SYNPR: variants seen among roughly 807,000 people sequenced by gnomAD.
SYNPR encodes synaptoporin.
A neutral mutation model predicts 32.9 loss-of-function variants in SYNPR; 23 were observed. The ratio of observed to expected loss-of-function variants is 0.70; its 90% confidence interval spans 0.50 to 0.99. The LOEUF (loss-of-function observed/expected upper bound fraction) is 0.99. Ranked by LOEUF, SYNPR falls within the 50% of genes least tolerant of loss-of-function variation. The pLI is 0.00. For synonymous variants in SYNPR, 146 were observed against 135.9 expected (o/e 1.07, Z -0.52); for missense variants, 318 against 349.3 (o/e 0.91, Z 0.71).
chr3:63,237,281 A>G (rs2086207023), intron 1 of SYNPR, among the ~76,000 whole-genome samples: 1 of 150,704 alleles, frequency 6.6e-6, no homozygotes, highest in Non-Finnish European at 1.5e-5. Flanking sequence ...GTGAAATTCT[A>G]TTTCTGTGTC....
chr3:63,397,709 C>T (rs1233728851), intron 2 of SYNPR, among the ~76,000 whole-genome samples: 1 of 152,132 alleles, frequency 6.6e-6, no homozygotes, highest in African/African-American at 2.4e-5. Flanking sequence ...AACCTATACC[C>T]TGCCACTGAC....
At position 63,456,554 on chromosome 3, in the gene SYNPR, CA is replaced by C. The variant is rs1018774097; in HGVS notation, c.85-24277del. ...GAATTCTCACAACAGCCCCGTGAGA[CA>C]GGGGATCACCCTCTCATTTTACAAA... is the stretch of plus-strand genomic sequence containing the variant. On this transcript the variant is annotated intron_variant, in intron 2 of 5. Coordinates refer to ENST00000478300, the MANE Select transcript of SYNPR (RefSeq NM_001130003.2). Among the ~76,000 whole-genome samples, 62 of 152,224 alleles carry C rather than the reference CA, an allele frequency of 4.1e-4. 1 individual carries two copies. The highest frequency in any genetic ancestry group is 1.5e-3 in the South Asian group (7 of 4,822).
intron 3 of SYNPR, among the ~76,000 whole-genome samples, chr3:63,552,869 T>G (rs1702527154): frequency 6.6e-6 from 1 of 152,216 alleles, no homozygotes; most frequent in South Asian, 2.1e-4. Flanking sequence ...CCTTAGTTTC[T>G]GGCCCATAAG....
intron 2 of SYNPR, among the ~76,000 whole-genome samples, chr3:63,415,139 C>T (rs932557945): frequency 6.6e-6 from 1 of 152,158 alleles, no homozygotes; most frequent in Non-Finnish European, 1.5e-5. Flanking sequence ...CTACTTTTTA[C>T]TGTTATCTAT....
intron 4 of SYNPR, among the ~76,000 whole-genome samples, chr3:63,573,202 G>T (rs368013685): frequency 1.3e-5 from 2 of 152,250 alleles, no homozygotes; most frequent in Admixed American, 6.5e-5. Context: ...AGAATTACCA[G>T]AAGATTTAGT....
chr3:63,298,982 A>T (rs1316548956), intron 2 of SYNPR, among the ~76,000 whole-genome samples: 2 of 152,166 alleles, frequency 1.3e-5, no homozygotes, highest in African/African-American at 4.8e-5. Context: ...GTAGAGAATA[A>T]ATCTTTGGGA....
chr3:63,494,660 G>A (rs546706766), intron 3 of SYNPR, among the ~76,000 whole-genome samples: 11 of 151,628 alleles, frequency 7.3e-5, no homozygotes, highest in South Asian at 2.1e-4. Flanking sequence ...ACCCATCAGC[G>A]CTAACAACAC....
At chr3:63,579,870 C>G (rs981672126) in intron 4 of SYNPR, among the ~76,000 whole-genome samples, 4 of 151,526 alleles carry the variant, frequency 2.6e-5, no homozygotes, top group African/African-American at 7.3e-5. Context: ...TAAGAAAGAA[C>G]ACTCTAGTGT....
At chr3:63,530,008 G>A (rs1311235416) in intron 3 of SYNPR, among the ~76,000 whole-genome samples, 1 of 152,074 alleles carries the variant, frequency 6.6e-6, no homozygotes, top group East Asian at 1.9e-4. Flanking sequence ...AGCGGGAAGG[G>A]ACACTTCAGC....
chr3:63,446,472 A>G (rs1700278919), intron 2 of SYNPR, among the ~76,000 whole-genome samples: 2 of 152,210 alleles, frequency 1.3e-5, no homozygotes, highest in African/African-American at 2.4e-5. Flanking sequence ...GCACCTGAGC[A>G]GTGGGCTCCC....
At chr3:63,571,148 A>C (rs1226644326) in intron 4 of SYNPR, among the ~76,000 whole-genome samples, 3 of 152,182 alleles carry the variant, frequency 2.0e-5, no homozygotes, top group African/African-American at 7.2e-5. Flanking sequence ...AAAATGGTGG[A>C]GTCTAATTCT....
intron 2 of SYNPR, among the ~76,000 whole-genome samples, chr3:63,398,137 TTTGA>T (rs1575624136): frequency 6.6e-6 from 1 of 152,270 alleles, no homozygotes; most frequent in East Asian, 1.9e-4. Context: ...TCACCCCAAG[TTTGA>T]TTGTCCTTCT....
chr3:63,423,418 G>A (rs1420830592), intron 2 of SYNPR, among the ~76,000 whole-genome samples: 1 of 152,166 alleles, frequency 6.6e-6, no homozygotes, highest in Non-Finnish European at 1.5e-5. Flanking sequence ...ACAGGAGAAG[G>A]ACTCAAATCA....
intron 1 of SYNPR, among the ~76,000 whole-genome samples, chr3:63,245,334 T>G (rs1269911751): frequency 9.3e-6 from 1 of 107,508 alleles, no homozygotes; most frequent in Non-Finnish European, 2.2e-5. Flanking sequence ...TTATTTTTAT[T>G]TAAAATCTGT....
At chr3:63,520,901 G>A (rs907732127) in intron 3 of SYNPR, among the ~76,000 whole-genome samples, 1 of 146,406 alleles carries the variant, frequency 6.8e-6, no homozygotes, top group Non-Finnish European at 1.5e-5. Flanking sequence ...CTTGACTAGA[G>A]ATGTCCATTG....
At position 63,480,905 on chromosome 3, in the gene SYNPR, A is replaced by C; in HGVS notation, c.158A>C (p.Asn53Thr). Residue 53 changes from asparagine (N) to threonine (T), a missense_variant, in exon 3 of 6, where the codon AAC becomes ACC. By Grantham distance (65) the Asn-to-Thr change is moderately conservative (BLOSUM62 0). Transcript: ENST00000478300. ...CTGCGGCTGAGTGTGGACTGCGTCA[A>C]CAAGACAGAAAGTAACCTCAGCATC... Reference protein sequence around the residue: ...GGLRLSVDCVNKTESNLSIDI... With the variant: ...GGLRLSVDCVTKTESNLSIDI... 6.2e-7 allele frequency: 1 copy of C among 1,613,632 alleles called. No individual in the cohort carries two copies. Among genetic ancestry groups the C allele is most frequent in the South Asian group, 1.1e-5 (1 of 91,030 alleles).
chr3:63,549,123 G>A (rs1254200576), intron 3 of SYNPR, among the ~76,000 whole-genome samples: 1 of 152,106 alleles, frequency 6.6e-6, no homozygotes, highest in Non-Finnish European at 1.5e-5. Context: ...GAATAACCCA[G>A]GACAAGATTT....
At chr3:63,576,464 T>C (rs1702980786) in intron 4 of SYNPR, among the ~76,000 whole-genome samples, 1 of 152,076 alleles carries the variant, frequency 6.6e-6, no homozygotes, top group Admixed American at 6.6e-5. Context: ...TAACAGTATG[T>C]CAAGCCAGTC....
At chr3:63,437,164 C>T (rs920929211) in intron 2 of SYNPR, among the ~76,000 whole-genome samples, 1 of 152,088 alleles carries the variant, frequency 6.6e-6, no homozygotes. Flanking sequence ...CATGAGCCAC[C>T]GTGCCTGGCC....
Sources: gnomAD v4.1 joint callset for allele counts (sites outside exome capture counted in the v4.1 genomes callset) on GRCh38, gnomAD v4.1.1 for gene constraint, MANE v1.5 for transcripts, NCBI Gene and HGNC (gene_info 2026-07-23, HGNC 2026-07-21) for gene names.